Variants in CWC22 observed in about 807,000 individuals in gnomAD.
CWC22 encodes the protein CWC22 spliceosome associated protein.
CWC22 carries 53 observed loss-of-function variants against 117.2 expected under a neutral mutation model. That is an observed-to-expected ratio of 0.45 (90% confidence interval 0.36 to 0.57). The LOEUF (loss-of-function observed/expected upper bound fraction) is 0.57, where lower values mean the gene tolerates loss of function less well. CWC22 is among the 20% of genes least tolerant of loss of function. The pLI is 0.00. For missense variants in CWC22, 980 were observed against 1,068.8 expected, an observed-to-expected ratio of 0.92 and a Z score of 1.16; for synonymous variants, 360 against 355.6, an observed-to-expected ratio of 1.01 and a Z score of -0.14.
At chr2:179,957,545 A>T (rs78297450) in intron 14 of CWC22, among the ~76,000 whole-genome samples, 5,379 of 152,308 alleles carry the variant, frequency 0.035, 127 homozygotes, top group Non-Finnish European at 0.056. Flanking sequence ...TTTATTCATA[A>T]AAACAGGCAG....
intron 4 of CWC22, among the ~76,000 whole-genome samples, chr2:179,983,088 A>AT (rs769381851): frequency 2.6e-5 from 4 of 151,970 alleles, no homozygotes; most frequent in Non-Finnish European, 5.9e-5. Context: ...GGAGGAACAG[A>AT]TTTTTTTTGT....
In CWC22 at chr2:179,991,577, G is replaced by A. The variant is rs954508702; in HGVS notation, c.27+1738C>T. Reference sequence around the variant, plus strand: ...CCCATCTGGGCCACAAGAGGGAAGCGTGGAGAAGCAGAGACTAAGAGGAAC... The same window carrying A: ...CCCATCTGGGCCACAAGAGGGAAGCATGGAGAAGCAGAGACTAAGAGGAAC... On this transcript the variant is annotated intron_variant, in intron 2 of 19. Coordinates refer to ENST00000410053, the MANE Select transcript of CWC22 (RefSeq NM_020943.3). 2.6e-5 allele frequency among the ~76,000 whole-genome samples: 4 copies of A among 152,168 alleles called. No individual in the cohort carries two copies. The South Asian group carries it at 8.3e-4, about 32-fold the overall frequency.
Position 179,952,578 on chromosome 2 carries a change from C to T in CWC22, c.1710G>A (p.Leu570=). 2 of 1,466,690 alleles carry T rather than the reference C, an allele frequency of 1.4e-6. No individual in the cohort carries two copies. The highest frequency in any genetic ancestry group is 1.4e-5 in the South Asian group (1 of 73,270). The allele number at this position is 1,466,690 out of a possible 1,614,324, so 90.9% of individuals were successfully genotyped here. Residue 570 remains leucine, a synonymous_variant, in exon 17 of 20, where the codon CTG becomes CTA. Coordinates refer to ENST00000410053, the MANE Select transcript of CWC22 (RefSeq NM_020943.3). ...LPWSVLECIK[L]SEETTTSSSR... ...TGGATGATGTAGTGGTTTCTTCACT[C>T]AGTTTTATACATTCAAGAACCTGAA...
At position 179,950,532 on chromosome 2, in the gene CWC22, C is replaced by A. The variant is rs1416226060; in HGVS notation, c.2120G>T (p.Ser707Ile). 2.5e-6 allele frequency: 4 copies of A among 1,611,078 alleles called. No individual in the cohort carries two copies. The highest frequency in any genetic ancestry group is 1.1e-5 in the South Asian group (1 of 90,876). The change falls in exon 19 of 20, where the codon AGT becomes ATT. Residue 707 changes from serine (S) to isoleucine (I), a missense_variant. By Grantham distance (142) the Ser-to-Ile change is moderately radical. This residue lies in a region of CWC22 where 306 missense variants were observed against 296.8 expected (regional missense o/e 1.03). Coordinates refer to ENST00000410053, the MANE Select transcript of CWC22 (RefSeq NM_020943.3). ...AATACCTGAGGCAGAGCTATGACTA[C>A]TGATGGATGAAGAGTCGCTCTCTTC... is the stretch of plus-strand genomic sequence containing the variant. Reference protein sequence around the residue: ...SSEESDSSSISSHSSASANDV... With the variant: ...SSEESDSSSIISHSSASANDV...
chr2:179,981,457 AT>A (rs1437274698), intron 5 of CWC22, among the ~76,000 whole-genome samples: 3 of 152,246 alleles, frequency 2.0e-5, no homozygotes, highest in Admixed American at 2.0e-4. Flanking sequence ...GAATGCATCC[AT>A]GAAACTATGA....
chr2:179,953,947 T>C (rs1470566804), intron 16 of CWC22, among the ~76,000 whole-genome samples: 1 of 152,128 alleles, frequency 6.6e-6, no homozygotes, highest in Non-Finnish European at 1.5e-5. Context: ...GTACTTTTCC[T>C]GAAGACACTC....
chr2:180,004,542 G>T (rs1035646801), intron 1 of CWC22, among the ~76,000 whole-genome samples: 14 of 152,108 alleles, frequency 9.2e-5, no homozygotes, highest in Non-Finnish European at 1.9e-4. Context: ...CAAGCGCACA[G>T]CACCACACCC....
At chr2:179,993,571 TATA>T (rs1348992950) in intron 1 of CWC22, 117 bp from the exon 2 acceptor site, 2 of 472,196 alleles carry the variant, frequency 4.2e-6, no homozygotes, top group East Asian at 3.4e-5. Flanking sequence ...CATAAACAAA[TATA>T]ATAAAAATTG....
At chr2:179,996,840 A>C (rs1321293233) in intron 1 of CWC22, among the ~76,000 whole-genome samples, 1 of 150,792 alleles carries the variant, frequency 6.6e-6, no homozygotes, top group Admixed American at 6.6e-5. Context: ...ATAAAAAAAA[A>C]AGTTAACGTA....
intron 14 of CWC22, among the ~76,000 whole-genome samples, chr2:179,957,631 T>C (rs1389448252): frequency 6.6e-6 from 1 of 152,198 alleles, no homozygotes; most frequent in Non-Finnish European, 1.5e-5. Context: ...AATTTATATC[T>C]AACAGTAACT....
chr2:179,988,679 A>C (rs1227686684), intron 2 of CWC22, 35 bp from the exon 3 acceptor site: 5 of 1,173,252 alleles, frequency 4.3e-6, no homozygotes, highest in Non-Finnish European at 4.8e-6. Flanking sequence ...CATTTCAAAA[A>C]TTATTTATGT....
At chr2:179,965,775 G>A in intron 12 of CWC22, 103 bp downstream of exon 12, 1 of 1,017,482 alleles carries the variant, frequency 9.8e-7, no homozygotes, top group Non-Finnish European at 1.4e-6. Context: ...ATCAGCAGCT[G>A]TCCTTGCTCT....
intron 8 of CWC22, among the ~76,000 whole-genome samples, chr2:179,972,761 A>G (rs577767564): frequency 6.6e-6 from 1 of 152,194 alleles, no homozygotes; most frequent in Admixed American, 6.5e-5. Flanking sequence ...TAATCTCAAC[A>G]CTTTGGGAGG....
Position 179,950,915 on chromosome 2 carries a change from G to T in CWC22, c.1829C>A (p.Pro610Gln). ...TCGGGGTAATAATCCTTCAAAGAATGGCTGCAGAGTTCTAAAAAGGAAAAA... is the reference window on the plus strand; with the variant it reads ...TCGGGGTAATAATCCTTCAAAGAATTGCTGCAGAGTTCTAAAAAGGAAAAA... ...NARLKDETLQ[P>Q]FFEGLLPRDN... Residue 610 changes from proline (P) to glutamine (Q), a missense_variant, in exon 18 of 20, where the codon CCA (proline) becomes CAA (glutamine). Coordinates refer to ENST00000410053, the MANE Select transcript of CWC22 (RefSeq NM_020943.3). 6.4e-7 allele frequency: 1 copy of T among 1,565,674 alleles called. No homozygotes were observed. The highest frequency in any genetic ancestry group is 1.2e-5 in the South Asian group (1 of 85,528).
Position 179,945,312 on chromosome 2 carries a change from T to C in CWC22, c.2544A>G (p.Arg848=), listed in dbSNP as rs1163220922. 6.2e-7 allele frequency: 1 copy of C among 1,613,540 alleles called. No homozygotes were observed. The highest frequency in any genetic ancestry group is 1.1e-5 in the South Asian group (1 of 90,964). ...HRIKDSENFR[R]KDRSKSKEMN... is the part of the protein sequence containing the mutation. ...TTTCCTTTGACTTTGATCTATCTTT[T>C]CTTCTGAAATTTTCACTGTCTTTAA... The change falls in exon 20 of 20, where the codon AGA becomes AGG. Residue 848 remains arginine, a synonymous_variant. Transcript: ENST00000410053.
chr2:179,973,908 A>C (rs1575648751), intron 6 of CWC22, 106 bp from the exon 7 acceptor site: 1 of 544,912 alleles, frequency 1.8e-6, no homozygotes, highest in Non-Finnish European at 3.0e-6. Flanking sequence ...GTAATCATAA[A>C]ATCTAAATCA....
At chr2:179,991,240 G>A (rs1017171948) in intron 2 of CWC22, among the ~76,000 whole-genome samples, 21 of 151,852 alleles carry the variant, frequency 1.4e-4, no homozygotes, top group Non-Finnish European at 2.9e-4. Context: ...AAAGAAAGAG[G>A]GAGGAGGTGC....
chr2:179,984,719 G>A (rs1215178765), intron 4 of CWC22, among the ~76,000 whole-genome samples: 1 of 151,998 alleles, frequency 6.6e-6, no homozygotes, highest in East Asian at 1.9e-4. Flanking sequence ...CAATGACAAA[G>A]GCAGAAAGAT....
intron 19 of CWC22, among the ~76,000 whole-genome samples, chr2:179,946,638 C>G (rs1051034177): frequency 2.6e-5 from 4 of 152,010 alleles, no homozygotes; most frequent in African/African-American, 9.7e-5. Flanking sequence ...CAAATTGAAT[C>G]CAAAAGCTGA....
Sources: allele counts gnomAD v4.1 joint callset (sites outside exome capture counted in the v4.1 genomes callset), GRCh38; gene constraint gnomAD v4.1.1; regional missense constraint gnomAD v4.1.1; transcripts MANE v1.5; gene names NCBI Gene and HGNC (gene_info 2026-07-23, HGNC 2026-07-21).